GPLD1: variants seen among roughly 807,000 people sequenced by gnomAD.
GPLD1 encodes the protein phosphatidylinositol-glycan-specific phospholipase D.
GPLD1 carries 84 observed loss-of-function variants against 112.6 expected under a neutral mutation model. That is an observed-to-expected ratio of 0.75 (90% CI 0.63 to 0.89). The LOEUF (loss-of-function observed/expected upper bound fraction) is 0.89, where lower values mean the gene tolerates loss of function less well. GPLD1 is among the 40% of genes least tolerant of loss of function. The pLI, the probability that GPLD1 is intolerant of heterozygous loss-of-function variation, is 0.00. For missense variants in GPLD1, 1,044 were observed against 1,051.5 expected (o/e 0.99, Z 0.10); for synonymous variants, 386 against 403.8 (o/e 0.96, Z 0.53).
rs564239846 is a variant in GPLD1, at chr6:24,485,950, T to G, written c.153+125A>C. The G allele has an allele frequency of 2.2e-5, 14 of 632,250 alleles. No homozygotes were observed. The East Asian group carries it at 3.7e-4, about 17-fold the overall frequency. 39.2% of individuals were successfully genotyped at this position (632,250 alleles called of 1,614,324 possible). A position where few individuals can be genotyped will look rare whatever the true frequency, so the allele number is the denominator to read the frequency against. On this transcript the variant is annotated intron_variant, in intron 2 of 24. Coordinates refer to ENST00000230036, the MANE Select transcript of GPLD1 (RefSeq NM_001503.4). ...TCCCAAAGTGCTGGGATTACAGGCA[T>G]GAGCCACCACGCCCAGCCAAAATGA...
intron 12 of GPLD1, among the ~76,000 whole-genome samples, chr6:24,457,457 A>C (rs545671218): frequency 6.6e-6 from 1 of 152,196 alleles, no homozygotes; most frequent in African/African-American, 2.4e-5. Context: ...CTCCAGCCTG[A>C]GCAACAGAAT....
At chr6:24,467,071 A>C in intron 8 of GPLD1, 96 bp downstream of exon 8, 1 of 1,096,486 alleles carries the variant, frequency 9.1e-7, no homozygotes, top group Non-Finnish European at 1.4e-6. Context: ...AGAATCCATA[A>C]ATCCAAAATC....
rs1194926511 is a variant in GPLD1 at position 24,426,481 on chromosome 6, G to A, written c.*2551C>T. ...TGGTTAAATGTCCTATAAACTTGAA[G>A]CTTGCTTCCATTTTTGTGGGTCTTA... On this transcript the variant is annotated 3_prime_UTR_variant, in exon 25 of 25. Transcript: ENST00000230036. 8.0e-6 allele frequency among the ~76,000 whole-genome samples: 1 copy of A among 125,324 alleles called. No individual in the cohort carries two copies. Among genetic ancestry groups the A allele is most frequent in the Non-Finnish European group, 1.7e-5 (1 of 58,168 alleles). 82.2% of individuals were successfully genotyped at this position (125,324 alleles called of 152,430 possible). A position where few individuals can be genotyped will look rare whatever the true frequency, so the allele number is the denominator to read the frequency against.
chr6:24,436,975 T>C, intron 21 of GPLD1, 138 bp downstream of exon 21: 1 of 785,546 alleles, frequency 1.3e-6, no homozygotes, highest in South Asian at 1.7e-5. Flanking sequence ...TGGTCTTGCC[T>C]CATTCAAGAT....
chr6:24,439,253 C>T (rs1179689942), intron 20 of GPLD1, among the ~76,000 whole-genome samples: 1 of 152,196 alleles, frequency 6.6e-6, no homozygotes, highest in Non-Finnish European at 1.5e-5. Context: ...GAACACTGGC[C>T]CCAGTGCATG....
intron 14 of GPLD1, among the ~76,000 whole-genome samples, chr6:24,452,163 C>T (rs1251532552): frequency 1.3e-5 from 2 of 152,156 alleles, no homozygotes; most frequent in African/African-American, 2.4e-5. Context: ...CCTTTCTCAC[C>T]CAAGTGGTCT....
At chr6:24,441,439 A>G (rs1762743834) in intron 20 of GPLD1, among the ~76,000 whole-genome samples, 1 of 152,206 alleles carries the variant, frequency 6.6e-6, no homozygotes, top group Non-Finnish European at 1.5e-5. Flanking sequence ...TGACATTTCA[A>G]AGATAACAGT....
chr6:24,494,852 T>C (rs954504781), intron 1 of GPLD1: 57 of 933,570 alleles, frequency 6.1e-5, no homozygotes, highest in Middle Eastern at 3.9e-4. Flanking sequence ...GGCGCTGCTC[T>C]GTGGCTCTGC....
At chr6:24,430,322 A>G (rs1762362631) in intron 24 of GPLD1, among the ~76,000 whole-genome samples, 1 of 151,986 alleles carries the variant, frequency 6.6e-6, no homozygotes, top group Non-Finnish European at 1.5e-5. Flanking sequence ...CCCTTCCCTG[A>G]CTCCACCAGC....
chr6:24,464,436 T>C (rs548566915), intron 10 of GPLD1, among the ~76,000 whole-genome samples: 1 of 152,278 alleles, frequency 6.6e-6, no homozygotes, highest in Admixed American at 6.5e-5. Context: ...ATTTCACTAT[T>C]AAAAGTGGCA....
At position 24,454,081 on chromosome 6, in the gene GPLD1, G is replaced by A; in HGVS notation, c.1269C>T (p.Asp423=). ...IGRVYLIYGN[D]LGLPPVDLDL... ...CCAGGTCAACAGGTGGCAGGCCCAG[G>A]TCATTGCCGTAGATGAGGTACACGC... Residue 423 remains aspartate, a synonymous_variant, in exon 14 of 25, where the codon GAC becomes GAT. Coordinates refer to ENST00000230036, the MANE Select transcript of GPLD1 (RefSeq NM_001503.4). The A allele has an allele frequency of 1.2e-6, 2 of 1,613,838 alleles. No individual in the cohort carries two copies. The highest frequency in any genetic ancestry group is 1.3e-5 in the African/African-American group (1 of 75,040).
exon 1 of GPLD1, chr6:24,495,041 C>A: frequency 7.4e-7 from 1 of 1,351,072 alleles, no homozygotes; most frequent in Non-Finnish European, 9.5e-7. Flanking sequence ...CCCGGCGCCT[C>A]GGGTCGACGT....
chr6:24,462,629 C>T, intron 11 of GPLD1, 101 bp downstream of exon 11: 1 of 742,150 alleles, frequency 1.3e-6, no homozygotes, highest in East Asian at 2.6e-5. Context: ...GAATTTGAAC[C>T]TACAGCTGTC....
At chr6:24,488,399 G>A (rs1322213037) in intron 1 of GPLD1, among the ~76,000 whole-genome samples, 1 of 141,186 alleles carries the variant, frequency 7.1e-6, no homozygotes, top group South Asian at 2.2e-4. Context: ...CGGACAGAGC[G>A]AGACTCCGTC....
At chr6:24,444,320 TTAAGATA>T (rs1349602744) in intron 20 of GPLD1, among the ~76,000 whole-genome samples, 3 of 152,094 alleles carry the variant, frequency 2.0e-5, no homozygotes, top group Admixed American at 6.6e-5. Flanking sequence ...GAGAATGTGC[TTAAGATA>T]TAAGTAAAAA....
chr6:24,455,167 G>A (rs1345025806), intron 13 of GPLD1, among the ~76,000 whole-genome samples: 7 of 152,238 alleles, frequency 4.6e-5, no homozygotes, highest in African/African-American at 1.7e-4. Context: ...ACACTCCAGT[G>A]GACCCATTGC....
At chr6:24,490,871 G>A (rs181698272), upstream of GPLD1, among the ~76,000 whole-genome samples, 209 of 152,178 alleles carry the variant, frequency 1.4e-3, no homozygotes, top group African/African-American at 4.5e-3. Context: ...AAGAAATCCC[G>A]CAGCTACCCC....
chr6:24,476,316 A>G (rs2127363548), intron 3 of GPLD1, 38 bp from the exon 4 acceptor site: 5 of 1,090,930 alleles, frequency 4.6e-6, no homozygotes, highest in East Asian at 2.6e-5. Flanking sequence ...TTCTCTCTTA[A>G]AAGTTGGAGA....
intron 14 of GPLD1, among the ~76,000 whole-genome samples, chr6:24,452,537 A>G (rs571403572): frequency 6.6e-6 from 1 of 152,236 alleles, no homozygotes; most frequent in Admixed American, 6.5e-5. Context: ...GCACTTTGGG[A>G]GGCTGAGGCG....
Sources: allele counts gnomAD v4.1 joint callset (sites outside exome capture counted in the v4.1 genomes callset), GRCh38; gene constraint gnomAD v4.1.1; transcripts MANE v1.5; gene names NCBI Gene and HGNC (gene_info 2026-07-23, HGNC 2026-07-21).